PPWD1: variants seen among roughly 807,000 people sequenced by gnomAD.
PPWD1 encodes peptidylprolyl isomerase domain and WD repeat-containing protein 1.
Under a neutral mutation model 68.8 loss-of-function variants are expected in PPWD1, and 43 were observed. The observed-to-expected ratio is 0.62, with a 90% CI of 0.49 to 0.81. The LOEUF is 0.81. PPWD1 is among the 30% of genes least tolerant of loss of function. The pLI is 0.00. For synonymous variants in PPWD1, 232 were observed against 258.7 expected, an observed-to-expected ratio of 0.90 and a Z score of 0.99; for missense variants, 672 against 804.8, an observed-to-expected ratio of 0.83 and a Z score of 2.00.
intron 1 of PPWD1, among the ~76,000 whole-genome samples, chr5:65,565,472 A>G (rs1752705598): frequency 2.0e-5 from 3 of 152,190 alleles, no homozygotes; most frequent in African/African-American, 7.2e-5. Flanking sequence ...GTAGGTGTGA[A>G]AATCTTTCCT....
intron 9 of PPWD1, among the ~76,000 whole-genome samples, chr5:65,585,483 A>T (rs1753796981): frequency 6.6e-6 from 1 of 152,144 alleles, no homozygotes. Context: ...AGAACCTGTA[A>T]TATACCAGAG....
Position 65,563,374 on chromosome 5 carries a change from C to T in PPWD1, c.64C>T (p.Pro22Ser), listed in dbSNP as rs1165517303. ...TAGAAGGCGCCGGGACCCGGAGGAACCGGAAAAAACAGAACTCAGCGAAAG... is the reference window on the plus strand; with the variant it reads ...TAGAAGGCGCCGGGACCCGGAGGAATCGGAAAAAACAGAACTCAGCGAAAG... The part of the protein sequence containing the change: ...RRRRRRDPEE[P>S]EKTELSEREL... Residue 22 changes from proline (P) to serine (S), a missense_variant, in exon 1 of 11, where the codon CCG becomes TCG. Physicochemically the swap from Pro to Ser is moderately conservative, Grantham distance 74. Coordinates refer to ENST00000261308, the MANE Select transcript of PPWD1 (RefSeq NM_015342.4). The T allele has an allele frequency of 1.2e-6, 2 of 1,614,036 alleles. No individual in the cohort carries two copies. The highest frequency in any genetic ancestry group is 1.6e-4 in the Middle Eastern group (1 of 6,062).
At chr5:65,564,726 A>G (rs909462568) in intron 1 of PPWD1, among the ~76,000 whole-genome samples, 5 of 151,494 alleles carry the variant, frequency 3.3e-5, no homozygotes, top group Non-Finnish European at 5.9e-5. Context: ...TCCTCTCCCA[A>G]CCCCTTACTT....
At chr5:65,582,088 G>A (rs554704199) in intron 7 of PPWD1, among the ~76,000 whole-genome samples, 78 of 152,214 alleles carry the variant, frequency 5.1e-4, no homozygotes, top group Non-Finnish European at 5.7e-4. Context: ...TAAGGTGATA[G>A]CATCCTAACT....
Position 65,572,165 on chromosome 5 carries a change from C to T in PPWD1, c.848C>T (p.Pro283Leu). The T allele has an allele frequency of 6.2e-7, 1 of 1,613,966 alleles. No homozygotes were observed. The highest frequency in any genetic ancestry group is 8.5e-7 in the Non-Finnish European group (1 of 1,179,884). The change falls in exon 5 of 11, where the codon CCA becomes CTA. Residue 283 changes from proline to leucine, a missense_variant. Physicochemically the swap from Pro to Leu is moderately conservative, Grantham distance 98 (BLOSUM62 -3). This residue lies in a region of PPWD1 where 484 missense variants were observed against 646.2 expected (regional missense o/e 0.75). Coordinates refer to ENST00000261308, the MANE Select transcript of PPWD1 (RefSeq NM_015342.4). ...GAATTTGCCAAGTGTAAGGCTTATC[C>T]AACCAGCGTATGTTTTTCACCAGAT... ...LYEFAKCKAY[P>L]TSVCFSPDGK...
rs756917074 is a variant in PPWD1, at chr5:65,569,737, G to A, written c.400+5G>A. The A allele has an allele frequency of 1.2e-6, 2 of 1,604,720 alleles. No homozygotes were observed. Among genetic ancestry groups the A allele is most frequent in the African/African-American group, 1.3e-5 (1 of 74,584 alleles). On this transcript the variant is annotated splice_donor_5th_base_variant and intron_variant, in intron 3 of 10. Transcript: ENST00000261308. Reference sequence around the variant, plus strand: ...AACATTTTCGTAGTCACCTGGGTAAGAATTGCACCTCATTTTCTTGTAGCT... The same window carrying A: ...AACATTTTCGTAGTCACCTGGGTAAAAATTGCACCTCATTTTCTTGTAGCT...
At chr5:65,580,261 A>G (rs1490881871) in intron 7 of PPWD1, among the ~76,000 whole-genome samples, 1 of 152,184 alleles carries the variant, frequency 6.6e-6, no homozygotes, top group Admixed American at 6.5e-5. Context: ...AGAACTTTTT[A>G]AGACCCAAAC....
chr5:65,567,466 G>A, intron 1 of PPWD1, 47 bp from the exon 2 acceptor site: 1 of 1,532,246 alleles, frequency 6.5e-7, no homozygotes, highest in South Asian at 1.3e-5. Flanking sequence ...ATAGTATTTG[G>A]TTTATTTGTT....
chr5:65,563,856 C>T (rs1328902557), intron 1 of PPWD1: 2 of 1,474,726 alleles, frequency 1.4e-6, no homozygotes, highest in Non-Finnish European at 1.8e-6. Context: ...AAAAGGGTAC[C>T]AGTTCTCTTT....
chr5:65,578,695 T>G (rs1434364905), intron 6 of PPWD1, among the ~76,000 whole-genome samples: 4 of 148,268 alleles, frequency 2.7e-5, no homozygotes, highest in African/African-American at 9.9e-5. Context: ...TTGTTGTGTT[T>G]TAAGAGTTCT....
At chr5:65,579,735 G>T in intron 7 of PPWD1, 122 bp downstream of exon 7, 1 of 580,480 alleles carries the variant, frequency 1.7e-6, no homozygotes. Context: ...TAAACAACCA[G>T]AATACCATCT....
At chr5:65,578,808 G>A (rs10940044) in intron 6 of PPWD1, among the ~76,000 whole-genome samples, 46,061 of 122,892 alleles carry the variant, frequency 0.37, 7,638 homozygotes, top group South Asian at 0.48. Context: ...ATATATATGT[G>A]TATATATATA....
At chr5:65,569,062 C>T (rs2150591832) in intron 2 of PPWD1, 1 of 454,780 alleles carries the variant, frequency 2.2e-6, no homozygotes, top group Admixed American at 2.4e-5. Context: ...CGTAGAGTTG[C>T]TGTAAAATTA....
intron 1 of PPWD1, among the ~76,000 whole-genome samples, chr5:65,565,658 A>G (rs1752714661): frequency 6.6e-6 from 1 of 151,992 alleles, no homozygotes; most frequent in Non-Finnish European, 1.5e-5. Flanking sequence ...ATACAAAAAA[A>G]TTAGCCGGGC....
intron 10 of PPWD1, 150 bp from the exon 11 acceptor site, chr5:65,587,103 C>T (rs1025500116): frequency 1.2e-6 from 1 of 868,620 alleles, no homozygotes; most frequent in African/African-American, 1.8e-5. Flanking sequence ...AAAGCTGCTA[C>T]ATTTTTATTG....
chr5:65,584,976 C>A (rs969605843), intron 8 of PPWD1, 38 bp from the exon 9 acceptor site: 4 of 1,598,386 alleles, frequency 2.5e-6, no homozygotes, highest in Non-Finnish European at 3.4e-6. Context: ...TTAAGATGCT[C>A]TGAATAGGTT....
intron 5 of PPWD1, among the ~76,000 whole-genome samples, chr5:65,573,019 G>C (rs955210390): frequency 7.2e-5 from 11 of 152,052 alleles, no homozygotes; most frequent in African/African-American, 2.2e-4. Flanking sequence ...CTGTTCTTGG[G>C]ATCAAGACCA....
At chr5:65,574,453 T>G (rs1459616738) in intron 5 of PPWD1, among the ~76,000 whole-genome samples, 1 of 112,572 alleles carries the variant, frequency 8.9e-6, no homozygotes, top group Non-Finnish European at 1.9e-5. Context: ...AATCTCTTTT[T>G]TTTTTTTTTT....
intron 1 of PPWD1, chr5:65,563,842 A>G (rs576065699): frequency 5.1e-5 from 76 of 1,490,516 alleles, no homozygotes; most frequent in East Asian, 2.5e-4. Flanking sequence ...TTATTTAGGT[A>G]TGCAAAAGGG....
Sources: gnomAD v4.1 joint callset for allele counts (sites outside exome capture counted in the v4.1 genomes callset) on GRCh38, gnomAD v4.1.1 for gene constraint, gnomAD v4.1.1 regional missense constraint, MANE v1.5 for transcripts, NCBI Gene and HGNC (gene_info 2026-07-23, HGNC 2026-07-21) for gene names.